PTPRK: variants seen among roughly 807,000 people sequenced by gnomAD.
PTPRK encodes the protein receptor-type tyrosine-protein phosphatase kappa.
Under a neutral mutation model 178.0 loss-of-function variants are expected in PTPRK, and 75 were observed. The ratio of observed to expected loss-of-function variants is 0.42; its 90% CI spans 0.35 to 0.51. The LOEUF (loss-of-function observed/expected upper bound fraction) is 0.51, where lower values mean the gene tolerates loss of function less well. PTPRK is among the 20% of genes least tolerant of loss of function. The probability of loss-of-function intolerance (pLI) is 0.02; values close to 1 mark genes in which losing one functional copy is unlikely to be tolerated. For synonymous variants in PTPRK, 637 were observed against 620.6 expected (o/e 1.03, Z -0.39); for missense variants, 1,441 against 1,797.8 (o/e 0.80, Z 3.59).
chr6:128,000,213 T>G, intron 15 of PTPRK: 1 of 1,102,830 alleles, frequency 9.1e-7, no homozygotes, highest in Non-Finnish European at 1.1e-6. Flanking sequence ...AGAATGATAT[T>G]TAATTAACAG....
chr6:128,413,565 G>T (rs1381622633), intron 1 of PTPRK, among the ~76,000 whole-genome samples: 1 of 152,038 alleles, frequency 6.6e-6, no homozygotes, highest in Non-Finnish European at 1.5e-5. Context: ...GATATCAATG[G>T]TATTCCTCCG....
At chr6:128,294,892 A>T (rs1824024065) in intron 3 of PTPRK, among the ~76,000 whole-genome samples, 1 of 152,050 alleles carries the variant, frequency 6.6e-6, no homozygotes, top group South Asian at 2.1e-4. Flanking sequence ...ATATGAGTAA[A>T]GAACAGAGGG....
In PTPRK at chr6:128,462,624, A is replaced by ATTTT. The variant is rs1358646344; in HGVS notation, c.100+57631_100+57634dup. On this transcript the variant is annotated intron_variant, in intron 1 of 29. Transcript: ENST00000368226. Reference sequence around the variant, plus strand: ...GGCTATCTGGGAAAAAAGTAGGTATATTTTATTTATTTATTTATTTATTTA... The same window carrying ATTTT: ...GGCTATCTGGGAAAAAAGTAGGTATATTTTTTTTATTTATTTATTTATTTATTTA... Among the ~76,000 whole-genome samples the ATTTT allele has an allele frequency of 6.7e-3, 912 of 136,728 alleles. 6 individuals carry two copies. Among genetic ancestry groups the ATTTT allele is most frequent in the African/African-American group, 0.023 (850 of 36,946 alleles). 89.7% of individuals were successfully genotyped at this position (136,728 alleles called of 152,430 possible). A position where few individuals can be genotyped will look rare whatever the true frequency, so the allele number is the denominator to read the frequency against.
chr6:128,215,683 A>G (rs1332305227), intron 6 of PTPRK, among the ~76,000 whole-genome samples: 1 of 151,864 alleles, frequency 6.6e-6, no homozygotes, highest in African/African-American at 2.4e-5. Context: ...AAACAGCAAC[A>G]AAAAAGCCTT....
In PTPRK at chr6:127,969,452, A is replaced by G. The variant is rs1046138555; in HGVS notation, c.*775T>C. ...CATTGCTTCCTGGTTTATGAATAAA[A>G]AGTTTATCTTCTACTTACACTAAAA... is the stretch of plus-strand genomic sequence containing the variant. On this transcript the variant is annotated 3_prime_UTR_variant, in exon 30 of 30. Coordinates refer to ENST00000368226, the MANE Select transcript of PTPRK (RefSeq NM_002844.4). 2.6e-5 allele frequency: 4 copies of G among 152,214 alleles called. No homozygotes were observed. Among genetic ancestry groups the G allele is most frequent in the Non-Finnish European group, 4.4e-5 (3 of 68,034 alleles). The allele number at this position is 152,214 out of a possible 1,614,324, so 9.4% of individuals were successfully genotyped here.
chr6:128,192,097 T>C (rs1329871243), intron 6 of PTPRK, among the ~76,000 whole-genome samples: 2 of 152,180 alleles, frequency 1.3e-5, no homozygotes, highest in Admixed American at 6.5e-5. Context: ...AAATTTATCA[T>C]AAGGAGATAC....
intron 13 of PTPRK, among the ~76,000 whole-genome samples, chr6:128,019,133 A>C (rs1416241507): frequency 6.6e-6 from 1 of 152,188 alleles, no homozygotes; most frequent in African/African-American, 2.4e-5. Context: ...GAATCATTCA[A>C]CAAAAAAAGT....
At chr6:128,038,998 A>T (rs1776709637) in intron 13 of PTPRK, among the ~76,000 whole-genome samples, 1 of 152,204 alleles carries the variant, frequency 6.6e-6, no homozygotes, top group Non-Finnish European at 1.5e-5. Flanking sequence ...AGAAATAGGT[A>T]TTCTAACATA....
At chr6:128,212,798 T>G (rs1157913719) in intron 6 of PTPRK, among the ~76,000 whole-genome samples, 2 of 151,818 alleles carry the variant, frequency 1.3e-5, no homozygotes, top group Non-Finnish European at 2.9e-5. Flanking sequence ...GGGAAAGAAC[T>G]CTCATCGCAT....
At chr6:128,409,756 T>C (rs1186891098) in intron 1 of PTPRK, among the ~76,000 whole-genome samples, 2 of 152,142 alleles carry the variant, frequency 1.3e-5, no homozygotes, top group African/African-American at 4.8e-5. Context: ...GTTGTAGTTG[T>C]TATTAAAAGG....
At chr6:128,256,345 T>C (rs1272243138) in intron 3 of PTPRK, among the ~76,000 whole-genome samples, 1 of 152,114 alleles carries the variant, frequency 6.6e-6, no homozygotes, top group African/African-American at 2.4e-5. Context: ...GATACGAAGA[T>C]GGATAAAAGG....
At chr6:127,980,115 A>T (rs1775121509) in intron 25 of PTPRK, among the ~76,000 whole-genome samples, 1 of 152,198 alleles carries the variant, frequency 6.6e-6, no homozygotes, top group South Asian at 2.1e-4. Flanking sequence ...GTTCAATACC[A>T]ATCTGACCAA....
chr6:128,174,652 G>A (rs991706726), intron 7 of PTPRK, among the ~76,000 whole-genome samples: 2 of 151,798 alleles, frequency 1.3e-5, no homozygotes, highest in African/African-American at 2.4e-5. Context: ...TAGCTCAAAA[G>A]TATCAAATTG....
At chr6:128,262,756 G>T (rs1316170372) in intron 3 of PTPRK, among the ~76,000 whole-genome samples, 1 of 146,540 alleles carries the variant, frequency 6.8e-6, no homozygotes, top group Non-Finnish European at 1.5e-5. Flanking sequence ...AATAAATTTT[G>T]TAAATGAAAT....
chr6:128,349,751 G>C (rs1343989485), intron 2 of PTPRK, among the ~76,000 whole-genome samples: 2 of 152,104 alleles, frequency 1.3e-5, no homozygotes, highest in African/African-American at 2.4e-5. Context: ...TAGTCTATTT[G>C]TTCTGTTTTA....
At chr6:128,244,060 C>T (rs564526033) in intron 3 of PTPRK, among the ~76,000 whole-genome samples, 1 of 152,284 alleles carries the variant, frequency 6.6e-6, no homozygotes, top group African/African-American at 2.4e-5. Flanking sequence ...TATAGGACAA[C>T]TCAATGATTT....
At chr6:128,448,610 C>T (rs1159394189) in intron 1 of PTPRK, among the ~76,000 whole-genome samples, 1 of 152,172 alleles carries the variant, frequency 6.6e-6, no homozygotes, top group African/African-American at 2.4e-5. Context: ...TAATAAGATG[C>T]TAGCTCCTTA....
At chr6:128,509,566 AT>A (rs1036219041) in intron 1 of PTPRK, among the ~76,000 whole-genome samples, 2 of 152,120 alleles carry the variant, frequency 1.3e-5, no homozygotes, top group Non-Finnish European at 2.9e-5. Context: ...CAAAATTTAC[AT>A]TTTTATGGTA....
At chr6:128,133,449 AT>A (rs564427529) in intron 7 of PTPRK, among the ~76,000 whole-genome samples, 138 of 152,250 alleles carry the variant, frequency 9.1e-4, no homozygotes, top group Middle Eastern at 3.4e-3. Flanking sequence ...TTTAGATTTC[AT>A]TTTTTACCTT....
Sources: gnomAD v4.1 joint callset for allele counts (sites outside exome capture counted in the v4.1 genomes callset) on GRCh38, gnomAD v4.1.1 for gene constraint, MANE v1.5 for transcripts, NCBI Gene and HGNC (gene_info 2026-07-23, HGNC 2026-07-21) for gene names.